FSTL5: variants seen among roughly 807,000 people sequenced by gnomAD.
FSTL5 encodes the protein follistatin-related protein 5.
FSTL5 carries 62 observed loss-of-function variants against 89.1 expected under a neutral mutation model. The ratio of observed to expected loss-of-function variants is 0.70; its 90% confidence interval spans 0.57 to 0.86. The LOEUF (loss-of-function observed/expected upper bound fraction) is 0.86. FSTL5 is among the 40% of genes least tolerant of loss of function. The probability of loss-of-function intolerance (pLI) is 0.00; values close to 1 mark genes in which losing one functional copy is unlikely to be tolerated. For missense variants in FSTL5, 1,057 were observed against 1,001.6 expected (o/e 1.06, Z -0.75); for synonymous variants, 383 against 346.2 (o/e 1.11, Z -1.18).
At chr4:162,139,281 T>C (rs1476097935) in intron 1 of FSTL5, among the ~76,000 whole-genome samples, 1 of 152,098 alleles carries the variant, frequency 6.6e-6, no homozygotes, top group Non-Finnish European at 1.5e-5. Context: ...ATTATCTCTA[T>C]CTTTATGGCC....
At chr4:161,986,285 C>T (rs1045261325) in intron 3 of FSTL5, among the ~76,000 whole-genome samples, 1 of 152,160 alleles carries the variant, frequency 6.6e-6, no homozygotes, top group Non-Finnish European at 1.5e-5. Flanking sequence ...CACGGTGGCT[C>T]ACGCCTGTAA....
intron 7 of FSTL5, among the ~76,000 whole-genome samples, chr4:161,613,852 T>A (rs1420375511): frequency 1.3e-5 from 2 of 152,232 alleles, no homozygotes; most frequent in East Asian, 3.8e-4. Context: ...GTTTGACATT[T>A]ATTTTCTGCT....
intron 2 of FSTL5, among the ~76,000 whole-genome samples, chr4:162,108,107 A>T (rs1406409537): frequency 1.3e-5 from 2 of 152,118 alleles, no homozygotes; most frequent in Non-Finnish European, 2.9e-5. Context: ...TGTTCCATAC[A>T]TGCTTGTTAA....
intron 1 of FSTL5, among the ~76,000 whole-genome samples, chr4:162,136,202 A>G (rs1013742174): frequency 1.4e-4 from 21 of 152,210 alleles, no homozygotes; most frequent in African/African-American, 4.8e-4. Flanking sequence ...CTACATAATG[A>G]ATATTTTTAA....
At chr4:162,016,379 T>C (rs1259605443) in intron 3 of FSTL5, among the ~76,000 whole-genome samples, 3 of 152,130 alleles carry the variant, frequency 2.0e-5, no homozygotes, top group Non-Finnish European at 4.4e-5. Context: ...ATTGAAGTAA[T>C]TCAAATTGTA....
chr4:161,420,900 TA>T (rs937684079), intron 15 of FSTL5, among the ~76,000 whole-genome samples: 201 of 151,104 alleles, frequency 1.3e-3, no homozygotes, highest in African/African-American at 4.7e-3. Context: ...AATAAATAAA[TA>T]TGTATATATG....
At chr4:161,923,127 T>C (rs558729578) in intron 3 of FSTL5, among the ~76,000 whole-genome samples, 18 of 152,058 alleles carry the variant, frequency 1.2e-4, no homozygotes, top group Non-Finnish European at 1.8e-4. Context: ...CCAAATAACA[T>C]AGATGCCTCG....
rs529478220 is a variant in FSTL5, at chr4:161,853,260, T to TTTG, written c.409+67141_409+67143dup. Among the ~76,000 whole-genome samples, 1,449 of 152,030 alleles carry TTTG rather than the reference T, an allele frequency of 9.5e-3. 21 individuals are homozygous for TTTG. The highest frequency in any genetic ancestry group is 0.02 in the African/African-American group (824 of 41,496). The stretch of plus-strand genomic sequence containing the variant: ...AGATTAATAAATGTTAAGTGACTTG[T>TTTG]TTGTTGTTGTTGTTGTTGTTGTTTT... On this transcript the variant is annotated intron_variant, in intron 4 of 15. Coordinates refer to ENST00000306100, the MANE Select transcript of FSTL5 (RefSeq NM_020116.5).
At position 161,529,781 on chromosome 4, in the gene FSTL5, ACTTTAT is replaced by A. The variant is rs1434294698; in HGVS notation, c.1312+8379_1312+8384del. Among the ~76,000 whole-genome samples, 29 of 142,680 alleles carry A rather than the reference ACTTTAT, an allele frequency of 2.0e-4. 1 individual carries two copies. The highest frequency in any genetic ancestry group is 5.3e-4 in the Admixed American group (7 of 13,268). 93.6% of individuals were successfully genotyped at this position (142,680 alleles called of 152,430 possible). A position where few individuals can be genotyped will look rare whatever the true frequency, so the allele number is the denominator to read the frequency against. ...AATCCTACCCGGCTGTGATGTCTGC[ACTTTAT>A]CTTTATGGATTTTTGCTGTATGTTA... On this transcript the variant is annotated intron_variant, in intron 10 of 15. Transcript: ENST00000306100.
At chr4:162,094,018 TA>T (rs1730654011) in intron 2 of FSTL5, among the ~76,000 whole-genome samples, 1 of 152,124 alleles carries the variant, frequency 6.6e-6, no homozygotes, top group Non-Finnish European at 1.5e-5. Context: ...AAAATTAAAA[TA>T]ATTATTAAGA....
chr4:161,737,287 G>A (rs758830977), intron 6 of FSTL5, among the ~76,000 whole-genome samples: 3 of 151,984 alleles, frequency 2.0e-5, no homozygotes, highest in Non-Finnish European at 4.4e-5. Context: ...AGAGGAAAGG[G>A]AAATAAAACC....
At chr4:162,091,645 G>A (rs1486681314) in intron 2 of FSTL5, among the ~76,000 whole-genome samples, 1 of 152,056 alleles carries the variant, frequency 6.6e-6, no homozygotes, top group East Asian at 1.9e-4. Context: ...GTGGCCTGAT[G>A]AGTTTTAAGT....
At chr4:161,453,924 C>G (rs1437420138) in intron 15 of FSTL5, among the ~76,000 whole-genome samples, 2 of 152,010 alleles carry the variant, frequency 1.3e-5, no homozygotes, top group African/African-American at 4.8e-5. Context: ...CACTTTTTTG[C>G]TGAGCACATA....
At chr4:162,021,705 T>A (rs1325979507) in intron 3 of FSTL5, among the ~76,000 whole-genome samples, 3 of 152,138 alleles carry the variant, frequency 2.0e-5, no homozygotes, top group African/African-American at 4.8e-5. Flanking sequence ...AAATGCAGCA[T>A]GTTCTCACTT....
intron 15 of FSTL5, among the ~76,000 whole-genome samples, chr4:161,415,267 T>C (rs1731731874): frequency 6.6e-6 from 1 of 152,106 alleles, no homozygotes; most frequent in Non-Finnish European, 1.5e-5. Flanking sequence ...TTTGGTTTTC[T>C]TTTTTTGAGC....
chr4:161,825,673 C>A (rs1323511516), intron 4 of FSTL5, among the ~76,000 whole-genome samples: 1 of 152,038 alleles, frequency 6.6e-6, no homozygotes, highest in Non-Finnish European at 1.5e-5. Flanking sequence ...AGTTTATTCG[C>A]ATAAAGATGT....
chr4:161,740,421 A>C (rs1030640041), intron 6 of FSTL5, among the ~76,000 whole-genome samples: 24 of 151,998 alleles, frequency 1.6e-4, no homozygotes, highest in African/African-American at 5.6e-4. Flanking sequence ...TGAGTAGTGT[A>C]TTTTTATGAG....
At chr4:162,073,947 A>G (rs1383829360) in intron 2 of FSTL5, among the ~76,000 whole-genome samples, 2 of 151,782 alleles carry the variant, frequency 1.3e-5, no homozygotes, top group African/African-American at 4.8e-5. Flanking sequence ...AATAGGAAGT[A>G]ATACATGTAA....
intron 6 of FSTL5, among the ~76,000 whole-genome samples, chr4:161,736,449 T>G (rs1207316636): frequency 6.6e-6 from 1 of 152,186 alleles, no homozygotes; most frequent in Admixed American, 6.5e-5. Flanking sequence ...GCTCTATTAA[T>G]GCCATCTAAT....
Sources: gnomAD v4.1 joint callset for allele counts (sites outside exome capture counted in the v4.1 genomes callset) on GRCh38, gnomAD v4.1.1 for gene constraint, MANE v1.5 for transcripts, NCBI Gene and HGNC (gene_info 2026-07-23, HGNC 2026-07-21) for gene names.